The following SNX29 variants were observed in gnomAD, a reference collection of about 807,000 sequenced individuals.
SNX29 encodes sorting nexin-29.
A neutral mutation model predicts 102.1 loss-of-function variants in SNX29; 78 were observed. The observed-to-expected ratio is 0.76, with a 90% CI of 0.64 to 0.92. SNX29 has a LOEUF of 0.92. Ranked by LOEUF, SNX29 falls within the 40% of genes least tolerant of loss-of-function variation. The pLI is 0.00. For missense variants in SNX29, 1,280 were observed against 1,061.7 expected, an observed-to-expected ratio of 1.21 and a Z score of -2.86; for synonymous variants, 580 against 414.5, an observed-to-expected ratio of 1.40 and a Z score of -4.85.
chr16:11,993,528 G>A (rs1035404268), intron 1 of SNX29, among the ~76,000 whole-genome samples: 7 of 152,136 alleles, frequency 4.6e-5, no homozygotes, highest in Non-Finnish European at 1.0e-4. Context: ...TAAATGCTTG[G>A]TATATACCAG....
At chr16:12,045,515 C>A (rs1241647894) in intron 5 of SNX29, among the ~76,000 whole-genome samples, 1 of 151,998 alleles carries the variant, frequency 6.6e-6, no homozygotes, top group African/African-American at 2.4e-5. Context: ...GACACCCCTA[C>A]CCCAACTGCC....
intron 20 of SNX29, among the ~76,000 whole-genome samples, chr16:12,545,959 A>T (rs1349375419): frequency 6.6e-6 from 1 of 152,204 alleles, no homozygotes; most frequent in African/African-American, 2.4e-5. Flanking sequence ...AACTAAGGGC[A>T]GGATGTGTGC....
intron 14 of SNX29, among the ~76,000 whole-genome samples, chr16:12,275,833 C>T (rs1378769506): frequency 6.8e-6 from 1 of 147,056 alleles, no homozygotes; most frequent in Non-Finnish European, 1.5e-5. Flanking sequence ...ATGATCAAAT[C>T]TGGGTACTTA....
At chr16:12,301,952 A>C (rs2080187295) in intron 15 of SNX29, among the ~76,000 whole-genome samples, 1 of 152,178 alleles carries the variant, frequency 6.6e-6, no homozygotes, top group Non-Finnish European at 1.5e-5. Context: ...CCCTTGTACC[A>C]TGTTTAAAGA....
intron 13 of SNX29, among the ~76,000 whole-genome samples, chr16:12,189,721 G>T (rs2076596085): frequency 6.6e-6 from 1 of 151,952 alleles, no homozygotes; most frequent in South Asian, 2.1e-4. Context: ...GGATTGTTCA[G>T]TTTCTATTTT....
At chr16:12,388,304 G>A (rs959478384) in intron 16 of SNX29, among the ~76,000 whole-genome samples, 1 of 152,160 alleles carries the variant, frequency 6.6e-6, no homozygotes, top group Non-Finnish European at 1.5e-5. Flanking sequence ...TGTAGAATAC[G>A]GGAAACAGGT....
chr16:12,570,204 G>A lies in SNX29; in HGVS notation c.*1575G>A. ...CGAGTCAGCCTACATGACTTCCAAG[G>A]GGACCTGGGGCCAGATAAGCCCTGC... On this transcript the variant is annotated 3_prime_UTR_variant, in exon 21 of 21. Coordinates refer to ENST00000566228, the MANE Select transcript of SNX29 (RefSeq NM_032167.5). 9.4e-7 allele frequency: 1 copy of A among 1,065,276 alleles called. No individual in the cohort carries two copies. The highest frequency in any genetic ancestry group is 1.1e-6 in the Non-Finnish European group (1 of 879,262). 66.0% of individuals were successfully genotyped at this position (1,065,276 alleles called of 1,614,324 possible).
chr16:12,069,721 C>A (rs965823143), intron 10 of SNX29, among the ~76,000 whole-genome samples: 5 of 151,268 alleles, frequency 3.3e-5, no homozygotes, highest in African/African-American at 1.2e-4. Flanking sequence ...GAGACAGTCT[C>A]GCTGTGTTGC....
At chr16:12,385,096 G>A (rs2083298188) in intron 16 of SNX29, among the ~76,000 whole-genome samples, 1 of 152,192 alleles carries the variant, frequency 6.6e-6, no homozygotes, top group Admixed American at 6.5e-5. Context: ...CTTGAACCCG[G>A]GAGGCAGAGG....
At chr16:12,171,457 C>G (rs1206755444) in intron 13 of SNX29, among the ~76,000 whole-genome samples, 2 of 152,146 alleles carry the variant, frequency 1.3e-5, no homozygotes, top group African/African-American at 2.4e-5. Context: ...AAGATTCTCA[C>G]GTTTTGAGCC....
chr16:12,412,751 A>T (rs1377319172), intron 18 of SNX29, among the ~76,000 whole-genome samples: 1 of 152,220 alleles, frequency 6.6e-6, no homozygotes, highest in Admixed American at 6.5e-5. Context: ...GGGCTTTGTA[A>T]ATAGTCTATA....
intron 11 of SNX29, among the ~76,000 whole-genome samples, chr16:12,104,562 A>G (rs1480030558): frequency 6.6e-6 from 1 of 151,670 alleles, no homozygotes; most frequent in Non-Finnish European, 1.5e-5. Flanking sequence ...TCTCAAACAA[A>G]CAAACAAATA....
At chr16:12,529,062 C>A (rs1331864353) in intron 20 of SNX29, among the ~76,000 whole-genome samples, 1 of 152,224 alleles carries the variant, frequency 6.6e-6, no homozygotes, top group Non-Finnish European at 1.5e-5. Flanking sequence ...AAGTAATCTG[C>A]CATCTGCACA....
chr16:12,261,043 G>T (rs11075057), intron 14 of SNX29, among the ~76,000 whole-genome samples: 83,498 of 135,432 alleles, frequency 0.62, 25,606 homozygotes, highest in Middle Eastern at 0.67. Context: ...GAGTGAGTGT[G>T]TGCTGAGCTG....
At chr16:12,515,621 TGCCTTCCTGTCCTA>T (rs1269848156) in intron 19 of SNX29, 2 of 486,888 alleles carry the variant, frequency 4.1e-6, no homozygotes, top group Admixed American at 4.6e-5. Flanking sequence ...TCCTCCCAGG[TGCCTTCCTGTCCTA>T]GCCACCCAAG....
chr16:12,315,560 G>A (rs1266522825), intron 15 of SNX29, among the ~76,000 whole-genome samples: 1 of 152,126 alleles, frequency 6.6e-6, no homozygotes, highest in African/African-American at 2.4e-5. Flanking sequence ...CGTCATTAGG[G>A]TGGGGCCTGT....
intron 18 of SNX29, among the ~76,000 whole-genome samples, chr16:12,410,639 G>A (rs1019758710): frequency 6.6e-6 from 1 of 151,792 alleles, no homozygotes; most frequent in African/African-American, 2.4e-5. Context: ...TCACTGTGCT[G>A]CCTAGGCTGG....
intron 20 of SNX29, among the ~76,000 whole-genome samples, chr16:12,540,378 C>G (rs1438955222): frequency 6.6e-6 from 1 of 152,182 alleles, no homozygotes; most frequent in Non-Finnish European, 1.5e-5. Flanking sequence ...TATTGTTGCC[C>G]TACCAAATTG....
At chr16:12,002,117 T>G (rs180746723) in intron 2 of SNX29, among the ~76,000 whole-genome samples, 3 of 152,156 alleles carry the variant, frequency 2.0e-5, no homozygotes. Flanking sequence ...AATGGCAATG[T>G]TTATGTTATC....
Sources: gnomAD v4.1 joint callset for allele counts (sites outside exome capture counted in the v4.1 genomes callset) on GRCh38, gnomAD v4.1.1 for gene constraint, MANE v1.5 for transcripts, NCBI Gene and HGNC (gene_info 2026-07-23, HGNC 2026-07-21) for gene names.